Variants in ABCA8 observed in about 807,000 individuals in gnomAD.
The protein encoded by ABCA8 is ABC-type organic anion transporter ABCA8.
In ABCA8, 177 loss-of-function variants were observed where a neutral mutation model predicts 192.3. That is an observed-to-expected ratio of 0.92 (90% CI 0.81 to 1.04). ABCA8 has a LOEUF of 1.04. Among genes scored for constraint, ABCA8 ranks in the 50% least tolerant of loss-of-function variants. ABCA8 has a pLI of 0.00. For synonymous variants in ABCA8, 642 were observed against 690.2 expected (o/e 0.93, Z 1.09); for missense variants, 1,915 against 1,904.8 (o/e 1.01, Z -0.10).
chr17:68,920,444 C>T (rs374695921), intron 13 of ABCA8, among the ~76,000 whole-genome samples: 1 of 119,172 alleles, frequency 8.4e-6, no homozygotes, highest in African/African-American at 3.1e-5. Context: ...TATTGCTTAA[C>T]AAAAAAAAAA....
At chr17:68,872,984 TTAAA>T (rs1450923790) in intron 37 of ABCA8, among the ~76,000 whole-genome samples, 11 of 152,206 alleles carry the variant, frequency 7.2e-5, no homozygotes, top group African/African-American at 1.2e-4. Context: ...GGTTAATTTA[TTAAA>T]TAAATTTTAA....
chr17:68,945,604 C>G (rs1567887661), intron 2 of ABCA8, among the ~76,000 whole-genome samples: 1 of 152,116 alleles, frequency 6.6e-6, no homozygotes, highest in Non-Finnish European at 1.5e-5. Flanking sequence ...GAAAGATGTA[C>G]TCTTTCATAC....
intron 7 of ABCA8, 97 bp downstream of exon 7, chr17:68,932,191 C>T (rs2067911080): frequency 1.2e-5 from 11 of 923,928 alleles, no homozygotes; most frequent in Non-Finnish European, 1.8e-5. Context: ...GCCTGGGCGA[C>T]AGAGCGAGAC....
chr17:68,894,126 A>T, intron 23 of ABCA8, 47 bp downstream of exon 23: 2 of 1,596,956 alleles, frequency 1.3e-6, no homozygotes, highest in Non-Finnish European at 1.7e-6. Flanking sequence ...GATCTGGGAG[A>T]TTCCTGATAG....
chr17:68,952,725 T>C (rs1039316789), intron 1 of ABCA8, among the ~76,000 whole-genome samples: 1 of 152,114 alleles, frequency 6.6e-6, no homozygotes, highest in Non-Finnish European at 1.5e-5. Flanking sequence ...CCCATGGATT[T>C]TACCTAAAAT....
At chr17:68,868,507 T>A (rs2065971330) in intron 38 of ABCA8, 151 bp from the exon 39 acceptor site, 1 of 679,038 alleles carries the variant, frequency 1.5e-6, no homozygotes, top group Admixed American at 3.0e-5. Context: ...CAGTTAAGAA[T>A]ACACCAATGC....
rs201226205 is a variant in ABCA8 at position 68,922,194 on chromosome 17, CTTTTTTTTTTTTTTTTTTTTTTTT to C, written c.1501+24_1501+47del. The C allele has an allele frequency of 1.3e-3, 685 of 527,192 alleles. 19 individuals carry two copies. The highest frequency in any genetic ancestry group is 8.4e-3 in the Middle Eastern group (11 of 1,312). 32.7% of individuals were successfully genotyped at this position (527,192 alleles called of 1,614,324 possible). ...TAACAAATATTTTCTTTCTCTCTCT[CTTTTTTTTTTTTTTTTTTTTTTTT>C]TTTTTTTTTTTTTTTTTTTTTACCT... is the stretch of plus-strand genomic sequence containing the variant. On this transcript the variant is annotated intron_variant, in intron 12 of 39. Transcript: ENST00000586539.
At chr17:68,884,274 T>G in intron 28 of ABCA8, 57 bp downstream of exon 28, 4 of 1,451,624 alleles carry the variant, frequency 2.8e-6, no homozygotes, top group Non-Finnish European at 3.7e-6. Context: ...TGTACAGAAC[T>G]GAAAATTATT....
At chr17:68,930,866 C>T (rs979785466) in intron 7 of ABCA8, among the ~76,000 whole-genome samples, 8 of 152,182 alleles carry the variant, frequency 5.3e-5, no homozygotes, top group African/African-American at 1.9e-4. Flanking sequence ...AGCCCATCTG[C>T]CTCCCTAGCC....
intron 37 of ABCA8, among the ~76,000 whole-genome samples, chr17:68,871,587 T>C (rs2066056457): frequency 6.6e-6 from 1 of 152,154 alleles, no homozygotes; most frequent in Non-Finnish European, 1.5e-5. Flanking sequence ...CATTCTTAAT[T>C]GGGTTATTAG....
chr17:68,918,996 C>A (rs1007919355), intron 14 of ABCA8, among the ~76,000 whole-genome samples: 1 of 146,920 alleles, frequency 6.8e-6, no homozygotes, highest in Non-Finnish European at 1.5e-5. Flanking sequence ...TTGAATGTCA[C>A]ACACATTGAC....
chr17:68,940,307 G>C (rs1249941295), intron 4 of ABCA8, among the ~76,000 whole-genome samples: 1 of 152,082 alleles, frequency 6.6e-6, no homozygotes, highest in East Asian at 1.9e-4. Context: ...TTAAAAGGTA[G>C]GGTTAAAATT....
intron 24 of ABCA8, among the ~76,000 whole-genome samples, chr17:68,888,873 T>C (rs2066558855): frequency 6.6e-6 from 1 of 152,118 alleles, no homozygotes; most frequent in Non-Finnish European, 1.5e-5. Context: ...GTATCTAACA[T>C]GAGAAGACAG....
At chr17:68,920,930 G>T (rs2067515569) in intron 13 of ABCA8, among the ~76,000 whole-genome samples, 1 of 152,122 alleles carries the variant, frequency 6.6e-6, no homozygotes, top group African/African-American at 2.4e-5. Flanking sequence ...ATTCACAGTA[G>T]CAAAGACTTG....
chr17:68,951,477 T>G (rs1314060013), intron 1 of ABCA8, among the ~76,000 whole-genome samples: 1 of 152,210 alleles, frequency 6.6e-6, no homozygotes, highest in Admixed American at 6.5e-5. Flanking sequence ...ACGTATCTAT[T>G]CAATCTTTTT....
At chr17:68,870,310 A>G (rs2066015150) in intron 37 of ABCA8, among the ~76,000 whole-genome samples, 2 of 152,132 alleles carry the variant, frequency 1.3e-5, no homozygotes, top group South Asian at 4.1e-4. Flanking sequence ...ATCACTGTGG[A>G]CTTAGTTCTC....
At chr17:68,875,757 C>T in intron 35 of ABCA8, 24 bp from the exon 36 acceptor site, 1 of 1,595,802 alleles carries the variant, frequency 6.3e-7, no homozygotes, top group Non-Finnish European at 8.5e-7. Context: ...AGATTATTTG[C>T]AATTTAGGAA....
At chr17:68,901,776 C>G (rs1392453235) in intron 21 of ABCA8, among the ~76,000 whole-genome samples, 1 of 149,992 alleles carries the variant, frequency 6.7e-6, no homozygotes, top group East Asian at 2.0e-4. Context: ...CCACTGGTCT[C>G]CAGCCTGGTG....
chr17:68,903,258 G>C (rs762462824), intron 20 of ABCA8, 43 bp downstream of exon 20: 2 of 1,592,582 alleles, frequency 1.3e-6, no homozygotes, highest in East Asian at 2.2e-5. Flanking sequence ...GCTTTTTAAC[G>C]CATTGACTTA....
Sources: gnomAD v4.1 joint callset for allele counts (sites outside exome capture counted in the v4.1 genomes callset) on GRCh38, gnomAD v4.1.1 for gene constraint, MANE v1.5 for transcripts, NCBI Gene and HGNC (gene_info 2026-07-23, HGNC 2026-07-21) for gene names.